Variants in PDZRN3 observed in about 807,000 individuals in gnomAD.
The protein encoded by PDZRN3 is E3 ubiquitin-protein ligase PDZRN3.
In PDZRN3, 38 loss-of-function variants were observed where a neutral mutation model predicts 85.7. That is an observed-to-expected ratio of 0.44 (90% CI 0.34 to 0.58). PDZRN3 has a LOEUF of 0.58. PDZRN3 is among the 20% of genes least tolerant of loss of function. The probability of loss-of-function intolerance (pLI) is 0.01; values close to 1 mark genes in which losing one functional copy is unlikely to be tolerated. For missense variants in PDZRN3, 1,629 were observed against 1,506.4 expected (o/e 1.08, Z -1.35); for synonymous variants, 759 against 638.0 (o/e 1.19, Z -2.86).
At chr3:73,506,372 G>T (rs993530910) in intron 3 of PDZRN3, among the ~76,000 whole-genome samples, 2 of 152,046 alleles carry the variant, frequency 1.3e-5, no homozygotes, top group Non-Finnish European at 2.9e-5. Context: ...AGATGAAAAG[G>T]TTGACATCTT....
At chr3:73,606,000 G>A (rs1455148009) in intron 2 of PDZRN3, among the ~76,000 whole-genome samples, 1 of 152,204 alleles carries the variant, frequency 6.6e-6, no homozygotes, top group Admixed American at 6.5e-5. Context: ...AGTGGGGTTG[G>A]AATGTCATTT....
intron 3 of PDZRN3, among the ~76,000 whole-genome samples, chr3:73,559,004 C>T (rs1439470412): frequency 6.6e-6 from 1 of 152,116 alleles, no homozygotes; most frequent in Non-Finnish European, 1.5e-5. Flanking sequence ...TCTTACTAGG[C>T]TAAGAATTCA....
chr3:73,423,592 T>G (rs1702244662), intron 3 of PDZRN3, among the ~76,000 whole-genome samples: 1 of 152,242 alleles, frequency 6.6e-6, no homozygotes, highest in African/African-American at 2.4e-5. Flanking sequence ...ATAAAAACAT[T>G]AGTTCTAACT....
chr3:73,511,468 T>C (rs903210917), intron 3 of PDZRN3, among the ~76,000 whole-genome samples: 2 of 152,170 alleles, frequency 1.3e-5, no homozygotes, highest in African/African-American at 4.8e-5. Context: ...ATTTCACATG[T>C]GGTTTTGCTT....
At chr3:73,418,087 T>C (rs1246166859) in intron 3 of PDZRN3, among the ~76,000 whole-genome samples, 1 of 152,216 alleles carries the variant, frequency 6.6e-6, no homozygotes, top group African/African-American at 2.4e-5. Flanking sequence ...TCCTAAGATA[T>C]TTATCACCTG....
chr3:73,389,407 G>A (rs1388990741), intron 7 of PDZRN3, among the ~76,000 whole-genome samples: 8 of 152,156 alleles, frequency 5.3e-5, no homozygotes, highest in East Asian at 1.9e-4. Flanking sequence ...TTTTATGGAC[G>A]AGCCTCTGAA....
chr3:73,616,246 A>T (rs1033633162), intron 1 of PDZRN3, among the ~76,000 whole-genome samples: 6 of 152,246 alleles, frequency 3.9e-5, no homozygotes, highest in African/African-American at 1.4e-4. Context: ...CTGCAGGACC[A>T]TGAGCCAAAC....
At chr3:73,492,768 G>A (rs1418614263) in intron 3 of PDZRN3, among the ~76,000 whole-genome samples, 1 of 152,164 alleles carries the variant, frequency 6.6e-6, no homozygotes, top group Non-Finnish European at 1.5e-5. Context: ...ATGGCTAGGA[G>A]AAAGGATTTT....
chr3:73,384,404 A>G lies in PDZRN3; in HGVS notation c.2162T>C (p.Leu721Pro). The G allele has an allele frequency of 1.2e-6, 2 of 1,609,846 alleles. No homozygotes were observed. Among genetic ancestry groups the G allele is most frequent in the Non-Finnish European group, 1.7e-6 (2 of 1,179,950 alleles). Residue 721 changes from leucine to proline, a missense_variant, in exon 10 of 10, where the codon CTG (leucine) becomes CCG (proline). Physicochemically the swap from Leu to Pro is moderately conservative, Grantham distance 98. Transcript: ENST00000263666. Reference sequence around the variant, plus strand: ...GTAGTTGCGGAAGCCGCTGTTGTGCAGCATCCAGGACTCGCGGTACTGCTC... The same window carrying G: ...GTAGTTGCGGAAGCCGCTGTTGTGCGGCATCCAGGACTCGCGGTACTGCTC... ...LKEQYRESWMLHNSGFRNYNT... is the reference protein window; with the variant it reads ...LKEQYRESWMPHNSGFRNYNT...
At chr3:73,453,192 G>A (rs969457526) in intron 3 of PDZRN3, among the ~76,000 whole-genome samples, 2 of 151,980 alleles carry the variant, frequency 1.3e-5, no homozygotes, top group Non-Finnish European at 2.9e-5. Flanking sequence ...CAGATCATGA[G>A]GTCAAGAGAT....
At chr3:73,434,974 A>G (rs1702503617) in intron 3 of PDZRN3, among the ~76,000 whole-genome samples, 1 of 152,212 alleles carries the variant, frequency 6.6e-6, no homozygotes, top group Non-Finnish European at 1.5e-5. Flanking sequence ...TTCTCAACGA[A>G]AATGGTCGAT....
chr3:73,416,885 T>TTTTG, intron 3 of PDZRN3, among the ~76,000 whole-genome samples: 2 of 137,588 alleles, frequency 1.5e-5, no homozygotes, highest in African/African-American at 5.6e-5. Context: ...GGTTTTTTTT[T>TTTTG]TTTTTTTTTT....
chr3:73,436,180 G>T (rs1339504923), intron 3 of PDZRN3, among the ~76,000 whole-genome samples: 1 of 152,128 alleles, frequency 6.6e-6, no homozygotes, highest in African/African-American at 2.4e-5. Flanking sequence ...CATTTCCTTT[G>T]CATCGCTTTC....
At chr3:73,497,806 T>TCCC (rs138761300) in intron 3 of PDZRN3, among the ~76,000 whole-genome samples, 1 of 146,116 alleles carries the variant, frequency 6.8e-6, no homozygotes, top group African/African-American at 2.7e-5. Flanking sequence ...GCGCCCCCCG[T>TCCC]CCCCGCCCCC....
intron 1 of PDZRN3, among the ~76,000 whole-genome samples, chr3:73,618,044 C>T (rs572468404): frequency 6.6e-6 from 1 of 152,180 alleles, no homozygotes; most frequent in East Asian, 1.9e-4. Flanking sequence ...TTGTTTTGTA[C>T]TCCATGTGCT....
chr3:73,551,707 A>T (rs970241623), intron 3 of PDZRN3, among the ~76,000 whole-genome samples: 108 of 144,464 alleles, frequency 7.5e-4, no homozygotes, highest in African/African-American at 2.7e-3. Flanking sequence ...AAAAAAAAAA[A>T]AGGAAAAAAA....
rs1260944980 is a variant in PDZRN3, at chr3:73,548,200, T to TAG, written c.918+54152_918+54153dup. Among the ~76,000 whole-genome samples, 12 of 152,188 alleles carry TAG rather than the reference T, an allele frequency of 7.9e-5. No individual in the cohort carries two copies. In the South Asian group the frequency reaches 1.0e-3, roughly 13 times the overall value. On this transcript the variant is annotated intron_variant, in intron 3 of 9. Transcript: ENST00000263666. ...CCACCAGCTAACCTTAGGTGCTACG[T>TAG]AGAGAGAGAGCAAGCACTACATACC...
intron 8 of PDZRN3, among the ~76,000 whole-genome samples, chr3:73,387,276 C>T (rs1181796735): frequency 6.6e-6 from 1 of 152,204 alleles, no homozygotes; most frequent in Non-Finnish European, 1.5e-5. Context: ...CTGGATTGCC[C>T]TAGATGTGTT....
intron 3 of PDZRN3, among the ~76,000 whole-genome samples, chr3:73,589,601 C>A (rs1487509086): frequency 6.6e-6 from 1 of 152,150 alleles, no homozygotes; most frequent in Non-Finnish European, 1.5e-5. Context: ...GCAAATCAAC[C>A]TAAACTTACC....
Sources: gnomAD v4.1 joint callset for allele counts (sites outside exome capture counted in the v4.1 genomes callset) on GRCh38, gnomAD v4.1.1 for gene constraint, MANE v1.5 for transcripts, NCBI Gene and HGNC (gene_info 2026-07-23, HGNC 2026-07-21) for gene names.